The following TAB1 variants were observed in gnomAD, a reference collection of about 807,000 sequenced individuals.
The protein encoded by TAB1 is TGF-beta-activated kinase 1 and MAP3K7-binding protein 1.
In TAB1, 30 loss-of-function variants were observed where a neutral mutation model predicts 54.5. The observed-to-expected ratio is 0.55, with a 90% CI of 0.41 to 0.75. TAB1 has a LOEUF of 0.75. Ranked by LOEUF, TAB1 falls within the 30% of genes least tolerant of loss-of-function variation. TAB1 has a pLI of 0.00. For synonymous variants in TAB1, 289 were observed against 286.9 expected, an observed-to-expected ratio of 1.01 and a Z score of -0.07; for missense variants, 609 against 683.2, an observed-to-expected ratio of 0.89 and a Z score of 1.21.
chr22:39,421,265 G>T (rs1927078087), intron 7 of TAB1, among the ~76,000 whole-genome samples: 1 of 152,064 alleles, frequency 6.6e-6, no homozygotes, highest in South Asian at 2.1e-4. Context: ...CGCTCCCAGG[G>T]CCCAGCCCTG....
intron 1 of TAB1, 63 bp from the exon 2 acceptor site, chr22:39,414,943 G>T (rs928134538): frequency 2.6e-5 from 41 of 1,602,814 alleles, no homozygotes; most frequent in Non-Finnish European, 3.2e-5. Flanking sequence ...GAAGGAATAG[G>T]TGAAGTGGGG....
At chr22:39,429,224 C>T (rs773908551) in intron 10 of TAB1, 79 of 985,256 alleles carry the variant, frequency 8.0e-5, no homozygotes, top group African/African-American at 1.7e-4. Context: ...GGTGGGTGCC[C>T]GTCCCCACCC....
At position 39,399,825 on chromosome 22, in the gene TAB1, T is replaced by C. The variant is rs1444402115; in HGVS notation, c.23T>C (p.Leu8Ser). 1.9e-6 allele frequency: 3 copies of C among 1,597,406 alleles called. No individual in the cohort carries two copies. Residue 8 changes from leucine (L) to serine (S), a missense_variant, in exon 1 of 11, where the codon TTG (leucine) becomes TCG (serine). Transcript: ENST00000216160. The stretch of plus-strand genomic sequence containing the variant: ...AAGATGGCGGCGCAGAGGAGGAGCT[T>C]GCTGCAGAGTGTGAGGAACAGGCCC... MAAQRRS[L>S]LQSEQQPSWT...
At position 39,415,636 on chromosome 22, in the gene TAB1, C is replaced by T. The variant is rs371430175; in HGVS notation, c.307C>T (p.Arg103Trp). The change falls in exon 3 of 11, where the codon CGG (arginine) becomes TGG (tryptophan). Residue 103 changes from arginine to tryptophan, a missense_variant. Transcript: ENST00000216160. This position sits in a 1 kb window ranked among gnomAD's most constrained non-coding sequence, Gnocchi z 4.9. ...LNAEHAEADV[R>W]RVLLQAFDVV... ...TGCCGAGCACGCCGAGGCCGATGTG[C>T]GGCGTGTGCTGCTGCAGGTAATGGT... The T allele has an allele frequency of 2.5e-6, 4 of 1,610,562 alleles. No homozygotes were observed. Among genetic ancestry groups the T allele is most frequent in the African/African-American group, 1.3e-5 (1 of 74,920 alleles).
intron 7 of TAB1, 120 bp from the exon 8 acceptor site, chr22:39,421,707 C>T: frequency 2.8e-6 from 3 of 1,066,384 alleles, no homozygotes; most frequent in African/African-American, 1.6e-5. Context: ...TTTTCTTTTC[C>T]TCTTGTCAGG....
chr22:39,411,530 C>T (rs892399480), intron 1 of TAB1, among the ~76,000 whole-genome samples: 13 of 152,162 alleles, frequency 8.5e-5, no homozygotes, highest in African/African-American at 1.9e-4. Flanking sequence ...ATTAAAGTCA[C>T]GATGAGCTAC....
In TAB1 at chr22:39,430,088, C is replaced by G; in HGVS notation, c.1381C>G (p.Leu461Val). The G allele has an allele frequency of 1.2e-6, 2 of 1,614,116 alleles. No individual in the cohort carries two copies. Among genetic ancestry groups the G allele is most frequent in the Non-Finnish European group, 1.7e-6 (2 of 1,180,046 alleles). Reference protein sequence around the residue: ...QSSSSSSDGGLFRSRPAHSLP... With the variant: ...QSSSSSSDGGVFRSRPAHSLP... ...CAGCAGCTCCAGCTCTGACGGAGGC[C>G]TCTTCCGCTCCCGGCCCGCCCACTC... The change falls in exon 11 of 11, where the codon CTC (leucine) becomes GTC (valine). Residue 461 changes from leucine (L) to valine (V), a missense_variant. Physicochemically the swap from Leu to Val is conservative, Grantham distance 32. Coordinates refer to ENST00000216160, the MANE Select transcript of TAB1 (RefSeq NM_006116.3).
chr22:39,422,426 T>TTTG (rs1364587511), intron 8 of TAB1, among the ~76,000 whole-genome samples: 4 of 144,140 alleles, frequency 2.8e-5, no homozygotes, highest in Admixed American at 6.9e-5. Flanking sequence ...TTTTTTTTTT[T>TTTG]GAGACAGCGT....
intron 1 of TAB1, among the ~76,000 whole-genome samples, chr22:39,408,045 G>C (rs1741534560): frequency 6.6e-6 from 1 of 152,152 alleles, no homozygotes. Context: ...TTTTTACCAA[G>C]AATGGACCAA....
At chr22:39,421,057 G>A (rs983858353) in intron 7 of TAB1, among the ~76,000 whole-genome samples, 9 of 149,990 alleles carry the variant, frequency 6.0e-5, no homozygotes, top group African/African-American at 1.7e-4. Flanking sequence ...CCAGGTGCTG[G>A]TGTGTCCTGC....
downstream of TAB1, chr22:39,436,657 C>G: frequency 9.1e-7 from 1 of 1,099,028 alleles, no homozygotes; most frequent in Non-Finnish European, 1.4e-6. Flanking sequence ...GCACTGGGAT[C>G]TTCTCGTGCC....
downstream of TAB1, chr22:39,436,588 C>T: frequency 6.3e-7 from 1 of 1,593,522 alleles, no homozygotes; most frequent in East Asian, 2.2e-5. Flanking sequence ...AGCGCCTACA[C>T]CAAGGGGCCC....
chr22:39,415,269 C>T lies in TAB1; in HGVS notation c.170+127C>T. The T allele has an allele frequency of 4.0e-6, 5 of 1,249,546 alleles. No individual in the cohort carries two copies. Among genetic ancestry groups the T allele is most frequent in the Non-Finnish European group, 5.5e-6 (5 of 910,520 alleles). 77.4% of individuals were successfully genotyped at this position (1,249,546 alleles called of 1,614,324 possible). ...ACATGTGGCCCGTGAGAGGTGGCCT[C>T]TGCTGCTGTCTTGCCAAGGGCCTGC... On this transcript the variant is annotated intron_variant, in intron 2 of 10. Coordinates refer to ENST00000216160, the MANE Select transcript of TAB1 (RefSeq NM_006116.3). The surrounding 1 kb of genome is among the most constrained non-coding windows in gnomAD (Gnocchi z 4.9).
chr22:39,427,461 T>C (rs974141085), intron 9 of TAB1, among the ~76,000 whole-genome samples: 2 of 152,246 alleles, frequency 1.3e-5, no homozygotes, highest in African/African-American at 4.8e-5. Flanking sequence ...ATGTCATTCT[T>C]CAACCAAGTT....
At chr22:39,409,464 C>G (rs549056700) in intron 1 of TAB1, among the ~76,000 whole-genome samples, 2 of 152,248 alleles carry the variant, frequency 1.3e-5, no homozygotes, top group South Asian at 2.1e-4. Flanking sequence ...TGCCCTCCCC[C>G]CCAGGCACAT....
chr22:39,414,912 G>A, intron 1 of TAB1, 94 bp from the exon 2 acceptor site: 1 of 1,460,336 alleles, frequency 6.8e-7, no homozygotes, highest in South Asian at 1.2e-5. Flanking sequence ...AGGGCTGCGG[G>A]CCTGCTAGGT....
At chr22:39,401,763 A>G (rs1411480180) in intron 1 of TAB1, among the ~76,000 whole-genome samples, 1 of 152,186 alleles carries the variant, frequency 6.6e-6, no homozygotes, top group Non-Finnish European at 1.5e-5. Context: ...ATGTCATCAG[A>G]AGGCCCCTCC....
Position 39,430,206 on chromosome 22 carries a change from T to G in TAB1, c.1499T>G (p.Val500Gly). 6.2e-7 allele frequency: 1 copy of G among 1,612,924 alleles called. No individual in the cohort carries two copies. The highest frequency in any genetic ancestry group is 1.3e-5 in the African/African-American group (1 of 75,052). The change falls in exon 11 of 11, where the codon GTG becomes GGG. Residue 500 changes from valine (V) to glycine (G), a missense_variant. Transcript: ENST00000216160. ...LWSVDHGEQSVVTAP is the reference protein window; with the variant it reads ...LWSVDHGEQSGVTAP ...AGCGTGGACCATGGCGAGCAGAGCG[T>G]GGTGACAGCACCGTAGGGCAGCCGG...
At chr22:39,435,442 TC>T (rs1301929571), downstream of TAB1, among the ~76,000 whole-genome samples, 3 of 151,948 alleles carry the variant, frequency 2.0e-5, no homozygotes, top group African/African-American at 4.8e-5. Context: ...AAGCCTTCAC[TC>T]CCGCGGCCCT....
Sources: allele counts gnomAD v4.1 joint callset (sites outside exome capture counted in the v4.1 genomes callset), GRCh38; gene constraint gnomAD v4.1.1; non-coding constraint Gnocchi (gnomAD v3.1); transcripts MANE v1.5; gene names NCBI Gene and HGNC (gene_info 2026-07-23, HGNC 2026-07-21).